Variants in PREX2 observed in about 807,000 individuals in gnomAD.
The protein encoded by PREX2 is phosphatidylinositol-3,4,5-trisphosphate dependent Rac exchange factor 2.
A neutral mutation model predicts 203.2 loss-of-function variants in PREX2; 107 were observed. The ratio of observed to expected loss-of-function variants is 0.53; its 90% CI spans 0.45 to 0.62. PREX2 has a LOEUF of 0.62. Ranked by LOEUF, PREX2 falls within the 20% of genes least tolerant of loss-of-function variation. PREX2 has a pLI of 0.00. For missense variants in PREX2, 1,777 were observed against 1,955.9 expected (o/e 0.91, Z 1.72); for synonymous variants, 672 against 663.6 (o/e 1.01, Z -0.19).
intron 1 of PREX2, among the ~76,000 whole-genome samples, chr8:67,977,671 C>T (rs888839635): frequency 1.3e-5 from 2 of 152,094 alleles, no homozygotes; most frequent in Admixed American, 6.5e-5. Context: ...CAGCCCCACA[C>T]TCAACCTCTG....
chr8:68,175,009 G>T (rs1264278595), intron 35 of PREX2, among the ~76,000 whole-genome samples: 3 of 152,188 alleles, frequency 2.0e-5, no homozygotes, highest in Non-Finnish European at 4.4e-5. Context: ...ATGCTCTTGA[G>T]AATTTTAAAA....
At chr8:68,024,329 G>C (rs932962929) in intron 4 of PREX2, among the ~76,000 whole-genome samples, 22 of 151,746 alleles carry the variant, frequency 1.4e-4, no homozygotes, top group African/African-American at 5.3e-4. Context: ...CTTTAACTCT[G>C]TCCATTTTTG....
chr8:68,131,515 T>A (rs1243756274), intron 31 of PREX2, among the ~76,000 whole-genome samples: 2 of 152,178 alleles, frequency 1.3e-5, no homozygotes, highest in African/African-American at 4.8e-5. Flanking sequence ...AACATTTGAA[T>A]TGGTGAATGA....
chr8:68,114,211 A>G, intron 25 of PREX2: 1 of 433,700 alleles, frequency 2.3e-6, no homozygotes. Flanking sequence ...AGAACAGTGC[A>G]TGGTATAATA....
At position 68,099,845 on chromosome 8, in the gene PREX2, T is replaced by C. The variant is rs150773140; in HGVS notation, c.2715+2T>C. 208 of 1,600,324 alleles carry C rather than the reference T, an allele frequency of 1.3e-4. No individual in the cohort carries two copies. The African/African-American group carries it at 2.2e-3, about 17-fold the overall frequency. ...CAGAGAATATCCAGTTATAAAAAGG[T>C]AAGTGTTCTATTGATTTTATACACA... On this transcript the variant is annotated splice_donor_variant, in intron 23 of 39. Coordinates refer to ENST00000288368, the MANE Select transcript of PREX2 (RefSeq NM_024870.4). LOFTEE classifies it high-confidence loss of function.
chr8:68,223,726 G>A (rs1363163440), intron 38 of PREX2, among the ~76,000 whole-genome samples: 1 of 152,120 alleles, frequency 6.6e-6, no homozygotes, highest in Non-Finnish European at 1.5e-5. Context: ...TTGACAGACT[G>A]TGAAGAATTT....
At chr8:68,185,579 G>A (rs1197421318) in intron 35 of PREX2, among the ~76,000 whole-genome samples, 1 of 152,024 alleles carries the variant, frequency 6.6e-6, no homozygotes, top group Non-Finnish European at 1.5e-5. Context: ...AAATACCTGT[G>A]TATTTGTCTT....
intron 35 of PREX2, among the ~76,000 whole-genome samples, chr8:68,168,048 C>G (rs950272929): frequency 6.6e-6 from 1 of 152,162 alleles, no homozygotes; most frequent in Non-Finnish European, 1.5e-5. Context: ...TCAGATCATT[C>G]TACTAGTCTT....
At chr8:68,012,038 CT>C (rs1182810350) in intron 1 of PREX2, among the ~76,000 whole-genome samples, 1 of 152,172 alleles carries the variant, frequency 6.6e-6, no homozygotes, top group East Asian at 1.9e-4. Context: ...GCTTCATCTT[CT>C]GTCCAGTTTT....
intron 1 of PREX2, among the ~76,000 whole-genome samples, chr8:67,968,527 A>G (rs566427310): frequency 1.3e-5 from 2 of 152,342 alleles, no homozygotes; most frequent in South Asian, 2.1e-4. Context: ...TTTAAAAAGT[A>G]TAACCAAAGG....
chr8:68,087,855 G>C (rs754591752), intron 19 of PREX2, 46 bp downstream of exon 19: 7 of 1,192,228 alleles, frequency 5.9e-6, no homozygotes, highest in Admixed American at 1.7e-5. Flanking sequence ...GCAGGTTTGG[G>C]ATGTGCCCGA....
At position 68,236,511 on chromosome 8, in the gene PREX2, T is replaced by G. The variant is rs1813267532; in HGVS notation, c.*5133T>G. 1 of 152,170 alleles carries G rather than the reference T, an allele frequency of 6.6e-6. No homozygotes were observed. The highest frequency in any genetic ancestry group is 2.4e-5 in the African/African-American group (1 of 41,448). The allele number at this position is 152,170 out of a possible 1,614,324, so 9.4% of individuals were successfully genotyped here. A position where few individuals can be genotyped will look rare whatever the true frequency, so the allele number is the denominator to read the frequency against. ...TATTTGTAACACAAACCTAATATCA[T>G]ATATACAAATATACTGTATGTAGCC... On this transcript the variant is annotated 3_prime_UTR_variant, in exon 40 of 40. Coordinates refer to ENST00000288368, the MANE Select transcript of PREX2 (RefSeq NM_024870.4).
chr8:68,025,145 A>ACTT (rs142060552), intron 4 of PREX2, among the ~76,000 whole-genome samples: 2 of 151,622 alleles, frequency 1.3e-5, no homozygotes. Context: ...AGCCCTTAGT[A>ACTT]CTTCTTCTTC....
chr8:68,140,457 G>GTA (rs1342283294), intron 33 of PREX2, among the ~76,000 whole-genome samples: 8 of 152,194 alleles, frequency 5.3e-5, no homozygotes, highest in African/African-American at 1.9e-4. Context: ...TCTTATTTAA[G>GTA]TGGTGTAAGA....
At chr8:68,075,187 A>C (rs548144160) in intron 14 of PREX2, among the ~76,000 whole-genome samples, 2 of 152,320 alleles carry the variant, frequency 1.3e-5, no homozygotes, top group South Asian at 4.1e-4. Flanking sequence ...GAGGATTTTA[A>C]AAGAGCATAG....
chr8:68,042,983 A>G (rs1808242737), intron 7 of PREX2, among the ~76,000 whole-genome samples: 1 of 152,130 alleles, frequency 6.6e-6, no homozygotes, highest in Non-Finnish European at 1.5e-5. Flanking sequence ...TGTTAAGGAT[A>G]TTAAGTCTTT....
intron 23 of PREX2, chr8:68,105,388 C>A: frequency 7.4e-7 from 1 of 1,345,652 alleles, no homozygotes; most frequent in Non-Finnish European, 9.9e-7. Flanking sequence ...ACAGTTCAGG[C>A]ACCCTTAGAC....
At chr8:68,089,546 C>T (rs1809804997) in intron 19 of PREX2, among the ~76,000 whole-genome samples, 1 of 152,182 alleles carries the variant, frequency 6.6e-6, no homozygotes, top group Non-Finnish European at 1.5e-5. Flanking sequence ...TTGGATGCTT[C>T]CAAGTGGCCA....
Position 68,157,267 on chromosome 8 carries a change from G to A in PREX2, c.4232-55G>A, listed in dbSNP as rs997779574. On this transcript the variant is annotated intron_variant, in intron 34 of 39. Coordinates refer to ENST00000288368, the MANE Select transcript of PREX2 (RefSeq NM_024870.4). ...AATAATCAATAAAATTATACTACAC[G>A]TGGAGAAATTGAGTTATAAAGTTGC... 12 of 874,334 alleles carry A rather than the reference G, an allele frequency of 1.4e-5. No homozygotes were observed. The Admixed American group carries it at 1.7e-4, about 12-fold the overall frequency. The allele number at this position is 874,334 out of a possible 1,614,324, so 54.2% of individuals were successfully genotyped here.
Sources: gnomAD v4.1 joint callset for allele counts (sites outside exome capture counted in the v4.1 genomes callset) on GRCh38, gnomAD v4.1.1 for gene constraint, MANE v1.5 for transcripts, NCBI Gene and HGNC (gene_info 2026-07-23, HGNC 2026-07-21) for gene names.